AGAP1: variants seen among roughly 807,000 people sequenced by gnomAD.
The protein encoded by AGAP1 is ArfGAP with GTPase domain, ankyrin repeat and PH domain 1, also known as arf-GAP with GTPase, ANK repeat and PH domain-containing protein 1.
AGAP1 carries 29 observed loss-of-function variants against 105.3 expected under a neutral mutation model. That is an observed-to-expected ratio of 0.28 (90% CI 0.21 to 0.38). The LOEUF (loss-of-function observed/expected upper bound fraction) is 0.38, where lower values mean the gene tolerates loss of function less well. AGAP1 is among the 10% of genes least tolerant of loss of function. The probability of loss-of-function intolerance (pLI) is 1.00; values close to 1 mark genes in which losing one functional copy is unlikely to be tolerated. For missense variants in AGAP1, 998 were observed against 1,165.1 expected, an observed-to-expected ratio of 0.86 and a Z score of 2.09; for synonymous variants, 509 against 485.9, an observed-to-expected ratio of 1.05 and a Z score of -0.63.
intron 9 of AGAP1, among the ~76,000 whole-genome samples, chr2:235,847,340 C>G (rs1193495722): frequency 6.6e-6 from 1 of 152,204 alleles, no homozygotes; most frequent in Non-Finnish European, 1.5e-5. Context: ...ACAGAATGCT[C>G]TTTCTACTCA....
chr2:235,871,005 G>A (rs1167966620), intron 9 of AGAP1, among the ~76,000 whole-genome samples: 1 of 152,202 alleles, frequency 6.6e-6, no homozygotes, highest in Non-Finnish European at 1.5e-5. Context: ...CTAATGCACA[G>A]ATTTCTCTCT....
chr2:236,029,062 C>T (rs143178644), intron 13 of AGAP1, among the ~76,000 whole-genome samples: 1 of 152,264 alleles, frequency 6.6e-6, no homozygotes, highest in East Asian at 1.9e-4. Context: ...TAGAGCAGTA[C>T]AAGGCCCTAT....
rs2056102638 is a variant in AGAP1 at position 236,001,144 on chromosome 2, CTG to C, written c.1645+32522_1645+32523del. On this transcript the variant is annotated intron_variant, in intron 13 of 17. Coordinates refer to ENST00000304032, the MANE Select transcript of AGAP1 (RefSeq NM_001037131.3). This position sits in a 1 kb window ranked among gnomAD's most constrained non-coding sequence, Gnocchi z 4.7. Reference sequence around the variant, plus strand: ...GTACAGGAAACACCACATGGAGACTCTGGCGGTGGCTGGGGCAGCGCGGCTGT... The same window carrying C: ...GTACAGGAAACACCACATGGAGACTCGCGGTGGCTGGGGCAGCGCGGCTGT... Among the ~76,000 whole-genome samples, 1 of 152,138 alleles carries C rather than the reference CTG, an allele frequency of 6.6e-6. No individual in the cohort carries two copies. Among genetic ancestry groups the C allele is most frequent in the South Asian group, 2.1e-4 (1 of 4,830 alleles).
intron 13 of AGAP1, among the ~76,000 whole-genome samples, chr2:236,019,877 C>A (rs1294088928): frequency 6.6e-6 from 1 of 152,230 alleles, no homozygotes; most frequent in Non-Finnish European, 1.5e-5. Context: ...CCGCCAAATG[C>A]CCCGGCAGTC....
Position 236,123,565 on chromosome 2 carries a change from T to G in AGAP1, c.2371-354T>G, listed in dbSNP as rs76738587. Among the ~76,000 whole-genome samples, 1,406 of 152,332 alleles carry G rather than the reference T, an allele frequency of 9.2e-3. 21 individuals are homozygous for G. The highest frequency in any genetic ancestry group is 0.03 in the African/African-American group (1,251 of 41,556). ...TTTTTCTTCTTGAGCTGTTATGTGT[T>G]ATTTGTGTATTTCCTATAATGAAAA... On this transcript the variant is annotated intron_variant, in intron 17 of 17. Transcript: ENST00000304032. The surrounding 1 kb of genome is among the most constrained non-coding windows in gnomAD (Gnocchi z 4.6).
chr2:235,749,679 GGTT>G (rs1264351244), intron 5 of AGAP1, among the ~76,000 whole-genome samples: 1 of 152,138 alleles, frequency 6.6e-6, no homozygotes, highest in Non-Finnish European at 1.5e-5. Context: ...TGCAGGTGAG[GGTT>G]CCCTGACCTC....
chr2:235,793,153 G>T lies in AGAP1; in HGVS notation c.674-4606G>T, dbSNP rs970768623. 6.6e-6 allele frequency among the ~76,000 whole-genome samples: 1 copy of T among 152,110 alleles called. No individual in the cohort carries two copies. ...CCAGGAAGGTGCGACCTAGCCTCTG[G>T]ACCACTCCCAGTGACCATGGCAATG... On this transcript the variant is annotated intron_variant, in intron 6 of 17. Transcript: ENST00000304032. The surrounding 1 kb of genome is among the most constrained non-coding windows in gnomAD (Gnocchi z 5.3).
At chr2:235,703,472 A>G (rs373767790) in intron 1 of AGAP1, among the ~76,000 whole-genome samples, 2 of 152,000 alleles carry the variant, frequency 1.3e-5, no homozygotes, top group East Asian at 1.9e-4. Context: ...GCCCTTTCCC[A>G]GGCATCCTGC....
rs1015461728 is a variant in AGAP1 at position 236,105,501 on chromosome 2, C to T, written c.2115-14691C>T. ...CTTCCTGGCTTATAGACAGATGCCTCTTGCAGTGTCCTCATGTGGAGGAGA... is the reference window on the plus strand; with the variant it reads ...CTTCCTGGCTTATAGACAGATGCCTTTTGCAGTGTCCTCATGTGGAGGAGA... On this transcript the variant is annotated intron_variant, in intron 16 of 17. Coordinates refer to ENST00000304032, the MANE Select transcript of AGAP1 (RefSeq NM_001037131.3). The surrounding 1 kb of genome is among the most constrained non-coding windows in gnomAD (Gnocchi z 4.2). Among the ~76,000 whole-genome samples, 1 of 150,036 alleles carries T rather than the reference C, an allele frequency of 6.7e-6. No individual in the cohort carries two copies. The highest frequency in any genetic ancestry group is 1.5e-5 in the Non-Finnish European group (1 of 67,826).
chr2:235,494,810 C>A lies in AGAP1; in HGVS notation c.124C>A (p.Leu42Met), dbSNP rs774900314. 79 of 1,583,830 alleles carry A rather than the reference C, an allele frequency of 5.0e-5. No homozygotes were observed. Among genetic ancestry groups the A allele is most frequent in the Non-Finnish European group, 6.6e-5 (77 of 1,165,032 alleles). Residue 42 changes from leucine to methionine, a missense_variant, in exon 1 of 18, where the codon CTG becomes ATG. This residue lies in a region of AGAP1 where 735 missense variants were observed against 833.4 expected (regional missense o/e 0.88). Coordinates refer to ENST00000304032, the MANE Select transcript of AGAP1 (RefSeq NM_001037131.3). ...GCTGGAGCGCGTGGAGGAGCCGGTGCTGCAGAACCAGATCCGGGAGCACGT... is the reference window on the plus strand; with the variant it reads ...GCTGGAGCGCGTGGAGGAGCCGGTGATGCAGAACCAGATCCGGGAGCACGT... ...ELLERVEEPV[L>M]QNQIREHVIA...
chr2:235,724,597 A>G lies in AGAP1; in HGVS notation c.310+6953A>G, dbSNP rs1951558492. On this transcript the variant is annotated intron_variant, in intron 3 of 17. Transcript: ENST00000304032. The surrounding 1 kb of genome is among the most constrained non-coding windows in gnomAD (Gnocchi z 4.9). ...TACCTGCGGTGGTGGGGGGAGGGGGAGTTCCCTATGTAAAGAAGAGTCCAA... is the reference window on the plus strand; with the variant it reads ...TACCTGCGGTGGTGGGGGGAGGGGGGGTTCCCTATGTAAAGAAGAGTCCAA... Among the ~76,000 whole-genome samples the G allele has an allele frequency of 6.6e-6, 1 of 151,962 alleles. No homozygotes were observed. The highest frequency in any genetic ancestry group is 2.1e-4 in the South Asian group (1 of 4,814).
Position 235,893,622 on chromosome 2 carries a change from G to A in AGAP1, c.1155+10173G>A, listed in dbSNP as rs987879789. ...CCTTCATGGCCCTCCCTGATTCCCA[G>A]GCCCCATCTAGTGTACATCATTGCC... On this transcript the variant is annotated intron_variant, in intron 10 of 17. Transcript: ENST00000304032. This position sits in a 1 kb window ranked among gnomAD's most constrained non-coding sequence, Gnocchi z 4.7. Among the ~76,000 whole-genome samples, 1 of 152,126 alleles carries A rather than the reference G, an allele frequency of 6.6e-6. No homozygotes were observed. Among genetic ancestry groups the A allele is most frequent in the Non-Finnish European group, 1.5e-5 (1 of 68,022 alleles).
Position 235,510,101 on chromosome 2 carries a change from C to T in AGAP1, c.163+15252C>T, listed in dbSNP as rs184036219. Reference sequence around the variant, plus strand: ...GTTGCAGGAAAACAAGCTCAGGGCTCCCACTGATTCTACGTTATGGTGAGT... The same window carrying T: ...GTTGCAGGAAAACAAGCTCAGGGCTTCCACTGATTCTACGTTATGGTGAGT... On this transcript the variant is annotated intron_variant, in intron 1 of 17. Transcript: ENST00000304032. Among the ~76,000 whole-genome samples, 574 of 152,272 alleles carry T rather than the reference C, an allele frequency of 3.8e-3. 7 individuals are homozygous for T. Among genetic ancestry groups the T allele is most frequent in the African/African-American group, 0.013 (544 of 41,550 alleles).
chr2:236,122,558 A>C (rs1297602243), intron 17 of AGAP1, among the ~76,000 whole-genome samples: 1 of 152,150 alleles, frequency 6.6e-6, no homozygotes, highest in African/African-American at 2.4e-5. Context: ...AAAGCTTAAA[A>C]ACGTTGTGTA....
intron 1 of AGAP1, among the ~76,000 whole-genome samples, chr2:235,510,248 T>G (rs1347845736): frequency 6.6e-6 from 1 of 152,244 alleles, no homozygotes; most frequent in African/African-American, 2.4e-5. Flanking sequence ...GGGAAAATTG[T>G]CTTCCACGAA....
chr2:236,103,630 C>T (rs753251634), intron 16 of AGAP1, among the ~76,000 whole-genome samples: 3 of 151,116 alleles, frequency 2.0e-5, no homozygotes, highest in Admixed American at 6.6e-5. Flanking sequence ...AGTGCAATGG[C>T]GTGGTCTCGG....
Position 235,876,442 on chromosome 2 carries a change from A to G in AGAP1, c.1051-6903A>G, listed in dbSNP as rs549876112. On this transcript the variant is annotated intron_variant, in intron 9 of 17. Coordinates refer to ENST00000304032, the MANE Select transcript of AGAP1 (RefSeq NM_001037131.3). Reference sequence around the variant, plus strand: ...CTTAAGTGTCACCATATTCACCCCTAGGCTTCTTCCTCTCTCATGGCTCCT... The same window carrying G: ...CTTAAGTGTCACCATATTCACCCCTGGGCTTCTTCCTCTCTCATGGCTCCT... 3.3e-5 allele frequency among the ~76,000 whole-genome samples: 5 copies of G among 152,202 alleles called. No individual in the cohort carries two copies. The East Asian group carries it at 5.8e-4, about 18-fold the overall frequency.
Position 235,691,783 on chromosome 2 carries a change from G to A in AGAP1, c.164-17396G>A, listed in dbSNP as rs998903182. Reference sequence around the variant, plus strand: ...TGTGACCTCCGTCATGTTGACCCCTGCACTCCTGCCCGCCCCCCATTCACC... The same window carrying A: ...TGTGACCTCCGTCATGTTGACCCCTACACTCCTGCCCGCCCCCCATTCACC... On this transcript the variant is annotated intron_variant, in intron 1 of 17. Coordinates refer to ENST00000304032, the MANE Select transcript of AGAP1 (RefSeq NM_001037131.3). This position sits in a 1 kb window ranked among gnomAD's most constrained non-coding sequence, Gnocchi z 4.4. Among the ~76,000 whole-genome samples the A allele has an allele frequency of 1.3e-5, 2 of 152,152 alleles. No homozygotes were observed. Among genetic ancestry groups the A allele is most frequent in the African/African-American group, 4.8e-5 (2 of 41,444 alleles).
rs1268167851 is a variant in AGAP1, at chr2:236,055,442, G to A, written c.2114+6161G>A. ...CGTCTCTTCCAATATAAATTATCAT[G>A]TGAACGCTGTGGTTTTTCTATTTGA... On this transcript the variant is annotated intron_variant, in intron 16 of 17. Coordinates refer to ENST00000304032, the MANE Select transcript of AGAP1 (RefSeq NM_001037131.3). The surrounding 1 kb of genome is among the most constrained non-coding windows in gnomAD (Gnocchi z 6.2). Among the ~76,000 whole-genome samples, 1 of 152,230 alleles carries A rather than the reference G, an allele frequency of 6.6e-6. No individual in the cohort carries two copies. Among genetic ancestry groups the A allele is most frequent in the Non-Finnish European group, 1.5e-5 (1 of 68,046 alleles).
Sources: allele counts gnomAD v4.1 joint callset (sites outside exome capture counted in the v4.1 genomes callset), GRCh38; gene constraint gnomAD v4.1.1; regional missense constraint gnomAD v4.1.1; non-coding constraint Gnocchi (gnomAD v3.1); transcripts MANE v1.5; gene names NCBI Gene and HGNC (gene_info 2026-07-23, HGNC 2026-07-21).